UROC1: variants seen among roughly 807,000 people sequenced by gnomAD.
The protein encoded by UROC1 is urocanate hydratase.
Under a neutral mutation model 89.5 loss-of-function variants are expected in UROC1, and 79 were observed. The observed-to-expected ratio is 0.88, with a 90% CI of 0.74 to 1.06. The LOEUF is 1.06. UROC1 is among the 50% of genes least tolerant of loss of function. UROC1 has a pLI of 0.00. For synonymous variants in UROC1, 361 were observed against 354.8 expected (o/e 1.02, Z -0.20); for missense variants, 885 against 907.8 (o/e 0.97, Z 0.32).
At chr3:126,490,258 A>T (rs1398330754) in intron 16 of UROC1, among the ~76,000 whole-genome samples, 1 of 152,304 alleles carries the variant, frequency 6.6e-6, no homozygotes, top group East Asian at 1.9e-4. Context: ...GGCTGCTCAG[A>T]TACCCAGGAG....
chr3:126,485,936 T>G (rs1230329948), intron 18 of UROC1, among the ~76,000 whole-genome samples: 1 of 152,064 alleles, frequency 6.6e-6, no homozygotes, highest in Non-Finnish European at 1.5e-5. Context: ...TGCAGAGGAA[T>G]TATTTAACCC....
chr3:126,487,699 G>A (rs980485149), intron 18 of UROC1, among the ~76,000 whole-genome samples: 7 of 152,240 alleles, frequency 4.6e-5, no homozygotes, highest in Non-Finnish European at 1.0e-4. Flanking sequence ...AGAATAGCCG[G>A]GCAGGGGCAG....
At chr3:126,514,251 A>G (rs1936252773) in intron 1 of UROC1, among the ~76,000 whole-genome samples, 2 of 152,208 alleles carry the variant, frequency 1.3e-5, no homozygotes, top group African/African-American at 2.4e-5. Context: ...AGGGGAGTAC[A>G]TTGGTAGTGA....
At chr3:126,504,180 G>A in intron 8 of UROC1, 97 bp from the exon 9 acceptor site, 1 of 1,246,236 alleles carries the variant, frequency 8.0e-7, no homozygotes. Context: ...GTCATCCCCT[G>A]TAGGTCCCTT....
In UROC1 at chr3:126,500,573, A is replaced by G. The variant is rs899975354; in HGVS notation, c.1145+122T>C. Reference sequence around the variant, plus strand: ...CTGATGGGTGGAGGCAGAGGCTCAGAGAGGTTAAGGTCTTGCCCAAGGCCA... The same window carrying G: ...CTGATGGGTGGAGGCAGAGGCTCAGGGAGGTTAAGGTCTTGCCCAAGGCCA... On this transcript the variant is annotated intron_variant, in intron 11 of 19. Transcript: ENST00000290868. 9 of 1,193,180 alleles carry G rather than the reference A, an allele frequency of 7.5e-6. No homozygotes were observed. The African/African-American group carries it at 1.3e-4, about 18-fold the overall frequency. The allele number at this position is 1,193,180 out of a possible 1,614,324, so 73.9% of individuals were successfully genotyped here.
intron 11 of UROC1, 65 bp downstream of exon 11, chr3:126,500,630 C>T (rs1029403978): frequency 5.0e-6 from 8 of 1,603,558 alleles, no homozygotes; most frequent in Non-Finnish European, 6.8e-6. Flanking sequence ...TAGGTGGTGG[C>T]CAGAGCAGGA....
chr3:126,508,165 G>T, intron 4 of UROC1, 70 bp from the exon 5 acceptor site: 1 of 1,611,218 alleles, frequency 6.2e-7, no homozygotes, highest in Non-Finnish European at 8.5e-7. Flanking sequence ...CCACACCACC[G>T]TCCACGCCTG....
intron 17 of UROC1, 107 bp from the exon 18 acceptor site, chr3:126,488,386 TGGGGC>T: frequency 7.8e-7 from 1 of 1,276,872 alleles, no homozygotes; most frequent in Admixed American, 1.8e-5. Context: ...GCCAGAAGGA[TGGGGC>T]GGCAACTAGG....
intron 1 of UROC1, among the ~76,000 whole-genome samples, chr3:126,517,175 G>A (rs1167035763): frequency 6.6e-6 from 1 of 152,196 alleles, no homozygotes; most frequent in African/African-American, 2.4e-5. Flanking sequence ...GTTCAGCCAT[G>A]CAGCCGCACG....
intron 18 of UROC1, among the ~76,000 whole-genome samples, chr3:126,487,227 C>T (rs1576710183): frequency 2.6e-5 from 4 of 152,328 alleles, no homozygotes; most frequent in Middle Eastern, 3.4e-3. Flanking sequence ...GTGGCTCCAT[C>T]GCCAGCTCTG....
intron 17 of UROC1, among the ~76,000 whole-genome samples, 162 bp downstream of exon 17, chr3:126,489,114 A>G (rs2107534640): frequency 6.6e-6 from 1 of 152,292 alleles, no homozygotes; most frequent in African/African-American, 2.4e-5. Context: ...TTACAACTGG[A>G]AGTCCCACAT....
intron 3 of UROC1, among the ~76,000 whole-genome samples, chr3:126,508,785 T>A (rs1321755286): frequency 2.0e-5 from 3 of 152,062 alleles, no homozygotes; most frequent in Admixed American, 6.5e-5. Flanking sequence ...CGTTTCCACC[T>A]ACTAGGCGAA....
chr3:126,510,742 A>T lies in UROC1; in HGVS notation c.179T>A (p.Leu60Gln). 6.2e-7 allele frequency: 1 copy of T among 1,614,154 alleles called. No individual in the cohort carries two copies. Among genetic ancestry groups the T allele is most frequent in the Non-Finnish European group, 8.5e-7 (1 of 1,180,048 alleles). ...CAGCTCCTGGGCAAACTCTGGGGCC[A>T]GCAGCTCCTGGACATCCGGGGGGAA... ...RYFPPDVQEL[L>Q]APEFAQELQL... Residue 60 changes from leucine (L) to glutamine (Q), a missense_variant, in exon 2 of 20, where the codon CTG becomes CAG. Physicochemically the swap from Leu to Gln is moderately radical, Grantham distance 113 (BLOSUM62 -2). Coordinates refer to ENST00000290868, the MANE Select transcript of UROC1 (RefSeq NM_144639.3).
chr3:126,487,357 G>A (rs954645195), intron 18 of UROC1, among the ~76,000 whole-genome samples: 2 of 152,212 alleles, frequency 1.3e-5, no homozygotes, highest in African/African-American at 2.4e-5. Flanking sequence ...TTTTCTGCCC[G>A]GAGCTTTCTA....
intron 11 of UROC1, 137 bp from the exon 12 acceptor site, chr3:126,500,291 C>T (rs751315939): frequency 1.5e-5 from 12 of 819,536 alleles, no homozygotes; most frequent in African/African-American, 3.4e-5. Context: ...CTCGGGTCGG[C>T]ACCACACACC....
intron 8 of UROC1, 81 bp downstream of exon 8, chr3:126,505,620 A>AG (rs767055558): frequency 3.5e-5 from 54 of 1,544,928 alleles, no homozygotes; most frequent in Non-Finnish European, 4.7e-5. Context: ...CTGTGGTGTA[A>AG]GTGATCCGGG....
In UROC1 at chr3:126,504,039, C is replaced by G. The variant is rs1162279801; in HGVS notation, c.858G>C (p.Leu286=). Reference sequence around the variant, plus strand: ...GGTCCAAGCTGTCAGTCACTTCCATCAGCCAGCCCTGCCTGTGGCGTTTCT... The same window carrying G: ...GGTCCAAGCTGTCAGTCACTTCCATGAGCCAGCCCTGCCTGTGGCGTTTCT... ...ALEKRHRQGW[L]MEVTDSLDRC... is the part of the protein sequence containing the mutation. The change falls in exon 9 of 20, where the codon CTG becomes CTC. Residue 286 remains leucine, a synonymous_variant. Coordinates refer to ENST00000290868, the MANE Select transcript of UROC1 (RefSeq NM_144639.3). 3 of 1,614,160 alleles carry G rather than the reference C, an allele frequency of 1.9e-6. No homozygotes were observed. The South Asian group carries it at 3.3e-5, about 18-fold the overall frequency.
chr3:126,496,166 A>AG, intron 14 of UROC1, 58 bp from the exon 15 acceptor site: 4 of 1,548,264 alleles, frequency 2.6e-6, no homozygotes, highest in Admixed American at 1.8e-5. Context: ...ACCTGCCCTC[A>AG]GGCAGGCTGC....
Position 126,488,296 on chromosome 3 carries a change from G to T in UROC1, c.1709-17C>A. 6.2e-7 allele frequency: 1 copy of T among 1,614,006 alleles called. No individual in the cohort carries two copies. On this transcript the variant is annotated splice_polypyrimidine_tract_variant and intron_variant, in intron 17 of 19. Coordinates refer to ENST00000290868, the MANE Select transcript of UROC1 (RefSeq NM_144639.3). ...CAGCCATGTCTGCGGAAATAGAGAC[G>T]CCTCTGCTCATCACCCCCTGCACTG... is the stretch of plus-strand genomic sequence containing the variant.
Sources: gnomAD v4.1 joint callset for allele counts (sites outside exome capture counted in the v4.1 genomes callset) on GRCh38, gnomAD v4.1.1 for gene constraint, MANE v1.5 for transcripts, NCBI Gene and HGNC (gene_info 2026-07-23, HGNC 2026-07-21) for gene names.